The following IFT140 variants were observed in gnomAD, a reference collection of about 807,000 sequenced individuals.
The protein encoded by IFT140 is intraflagellar transport protein 140 homolog.
Under a neutral mutation model 164.6 loss-of-function variants are expected in IFT140, and 133 were observed. That is an observed-to-expected ratio of 0.81 (90% CI 0.70 to 0.93). The LOEUF (loss-of-function observed/expected upper bound fraction) is 0.93. IFT140 is among the 40% of genes least tolerant of loss of function. The probability of loss-of-function intolerance (pLI) is 0.00; values close to 1 mark genes in which losing one functional copy is unlikely to be tolerated. For synonymous variants in IFT140, 860 were observed against 817.3 expected, an observed-to-expected ratio of 1.05 and a Z score of -0.89; for missense variants, 2,045 against 1,972.3, an observed-to-expected ratio of 1.04 and a Z score of -0.70.
chr16:1,558,803 G>A (rs974999847), intron 18 of IFT140, among the ~76,000 whole-genome samples: 1 of 152,208 alleles, frequency 6.6e-6, no homozygotes. Context: ...CGTGTGAAAC[G>A]GATCACGACG....
At position 1,528,131 on chromosome 16, in the gene IFT140, C is replaced by T. The variant is rs1315907962; in HGVS notation, c.2400-1335G>A. 5.9e-5 allele frequency among the ~76,000 whole-genome samples: 9 copies of T among 152,056 alleles called. No homozygotes were observed. The East Asian group carries it at 1.4e-3, about 23-fold the overall frequency. On this transcript the variant is annotated intron_variant, in intron 19 of 30. Coordinates refer to ENST00000426508, the MANE Select transcript of IFT140 (RefSeq NM_014714.4). Reference sequence around the variant, plus strand: ...GATCCCGCCCCAAGGGCCTTGGGGCCGGGCTGGCCTGCGGCTTCAGCCCTG... The same window carrying T: ...GATCCCGCCCCAAGGGCCTTGGGGCTGGGCTGGCCTGCGGCTTCAGCCCTG...
At chr16:1,542,154 T>A (rs1286266193) in intron 19 of IFT140, 26 of 1,422,730 alleles carry the variant, frequency 1.8e-5, no homozygotes, top group Non-Finnish European at 2.4e-5. Context: ...TCCTGAGGCC[T>A]TGGGTGGCCT....
intron 29 of IFT140, 80 bp from the exon 30 acceptor site, chr16:1,518,437 C>T: frequency 7.1e-7 from 1 of 1,406,010 alleles, no homozygotes. Context: ...GACTCTTGGC[C>T]TGTAAGAGGA....
intron 19 of IFT140, chr16:1,554,780 A>T: frequency 6.2e-7 from 1 of 1,613,944 alleles, no homozygotes; most frequent in Non-Finnish European, 8.5e-7. Context: ...TCTCATCTGC[A>T]GGTTTTGTCC....
intron 19 of IFT140, chr16:1,534,679 C>G: frequency 7.1e-7 from 1 of 1,400,106 alleles, no homozygotes; most frequent in South Asian, 1.2e-5. Context: ...CTGAGCGTGG[C>G]CTCTGGGCAG....
intron 30 of IFT140, among the ~76,000 whole-genome samples, chr16:1,515,950 G>C (rs2141121141): frequency 6.6e-6 from 1 of 151,986 alleles, no homozygotes; most frequent in East Asian, 1.9e-4. Flanking sequence ...AGACCAGCCT[G>C]ACCAACATGG....
chr16:1,513,717 A>G (rs2040248355), intron 30 of IFT140, among the ~76,000 whole-genome samples: 1 of 147,510 alleles, frequency 6.8e-6, no homozygotes, highest in Non-Finnish European at 1.5e-5. Context: ...TGTGTCGCCC[A>G]GGCTGGAGTG....
chr16:1,600,217 T>C (rs904398635), intron 4 of IFT140, among the ~76,000 whole-genome samples: 1 of 145,298 alleles, frequency 6.9e-6, no homozygotes, highest in Non-Finnish European at 1.5e-5. Flanking sequence ...TTAAGGGCGG[T>C]GCAAGATGTG....
chr16:1,534,346 C>T (rs370619004), intron 19 of IFT140: 2 of 1,612,840 alleles, frequency 1.2e-6, no homozygotes, highest in Non-Finnish European at 8.5e-7. Context: ...AACAACGTGG[C>T]GGCCTTCACC....
At chr16:1,562,196 CACACACTGCGTCACGGTGGGGTCGTTGCT>C (rs1447121287) in intron 17 of IFT140, 80 bp from the exon 18 acceptor site, 217 of 1,301,776 alleles carry the variant, frequency 1.7e-4, no homozygotes, top group Non-Finnish European at 2.1e-4. Context: ...CATTTTGCTA[CACACACTGCGTCACGGTGGGGTCGTTGCT>C]ACACACTGCG....
chr16:1,515,416 A>T (rs78227142), intron 30 of IFT140, among the ~76,000 whole-genome samples: 1 of 152,140 alleles, frequency 6.6e-6, no homozygotes, highest in East Asian at 1.9e-4. Flanking sequence ...TCAAATCAGG[A>T]TTTTTTTTGA....
chr16:1,574,226 G>C (rs2034158184), intron 13 of IFT140, among the ~76,000 whole-genome samples: 1 of 152,170 alleles, frequency 6.6e-6, no homozygotes, highest in Non-Finnish European at 1.5e-5. Flanking sequence ...GTTCCTCGGG[G>C]CTGAGTTTTC....
At chr16:1,522,991 CAGG>C in intron 26 of IFT140, among the ~76,000 whole-genome samples, 1 of 152,138 alleles carries the variant, frequency 6.6e-6, no homozygotes, top group Non-Finnish European at 1.5e-5. Flanking sequence ...GAGGCTGAGG[CAGG>C]AGGATTGCTT....
In IFT140 at chr16:1,511,120, G is replaced by A. The variant is rs749827811; in HGVS notation, c.4213C>T (p.Arg1405Trp). 9.3e-6 allele frequency: 15 copies of A among 1,608,708 alleles called. 1 individual carries two copies. The South Asian group carries it at 1.0e-4, about 11-fold the overall frequency. The change falls in exon 31 of 31, where the codon CGG (arginine) becomes TGG (tryptophan). Residue 1405 changes from arginine (R) to tryptophan (W), a missense_variant. Transcript: ENST00000426508. ...AYRFLEEMRR[R>W]LPLANMSYYV... is the part of the protein sequence containing the mutation. ...TAGGACATGTTGGCCAAGGGAAGCC[G>A]CCGCCGCATCTCCTCCAGGAATCTG...
intron 19 of IFT140, among the ~76,000 whole-genome samples, chr16:1,527,342 C>T (rs1310375069): frequency 2.0e-5 from 3 of 152,142 alleles, no homozygotes; most frequent in Non-Finnish European, 4.4e-5. Flanking sequence ...AGACGGTGAC[C>T]CAGCCCACGC....
At chr16:1,603,863 C>T (rs2941957) in intron 3 of IFT140, among the ~76,000 whole-genome samples, 4,606 of 152,202 alleles carry the variant, frequency 0.03, 240 homozygotes, top group African/African-American at 0.11. Flanking sequence ...CTTGGTTTGC[C>T]CCCAGTTGTT....
chr16:1,511,512 G>T (rs764294967), intron 30 of IFT140, among the ~76,000 whole-genome samples: 5 of 152,200 alleles, frequency 3.3e-5, no homozygotes, highest in Non-Finnish European at 7.4e-5. Flanking sequence ...TTCTGCACTC[G>T]AGTCTTGCGG....
chr16:1,561,452 C>T (rs984376111), intron 18 of IFT140, among the ~76,000 whole-genome samples: 2 of 152,184 alleles, frequency 1.3e-5, no homozygotes, highest in Non-Finnish European at 2.9e-5. Flanking sequence ...CACACACGGA[C>T]GGGTGTCCAG....
At chr16:1,543,288 G>T (rs560265597) in intron 19 of IFT140, among the ~76,000 whole-genome samples, 1 of 152,360 alleles carries the variant, frequency 6.6e-6, no homozygotes, top group South Asian at 2.1e-4. Context: ...ATCATTCTAG[G>T]AATAATGATC....
Sources: allele counts gnomAD v4.1 joint callset (sites outside exome capture counted in the v4.1 genomes callset), GRCh38; gene constraint gnomAD v4.1.1; transcripts MANE v1.5; gene names NCBI Gene and HGNC (gene_info 2026-07-23, HGNC 2026-07-21).